HDAC9: variants seen among roughly 807,000 people sequenced by gnomAD.
HDAC9 encodes histone deacetylase 9.
HDAC9 carries 41 observed loss-of-function variants against 139.4 expected under a neutral mutation model. The ratio of observed to expected loss-of-function variants is 0.29; its 90% CI spans 0.23 to 0.38. The LOEUF (loss-of-function observed/expected upper bound fraction) is 0.38, where lower values mean the gene tolerates loss of function less well. HDAC9 is among the 10% of genes least tolerant of loss of function. HDAC9 has a pLI of 1.00. For missense variants in HDAC9, 1,147 were observed against 1,297.0 expected, an observed-to-expected ratio of 0.88 and a Z score of 1.78; for synonymous variants, 517 against 476.2, an observed-to-expected ratio of 1.09 and a Z score of -1.12.
chr7:18,829,874 C>T (rs1478761696), intron 19 of HDAC9, among the ~76,000 whole-genome samples: 1 of 152,190 alleles, frequency 6.6e-6, no homozygotes, highest in Non-Finnish European at 1.5e-5. Flanking sequence ...AATATAGACT[C>T]AATAGTCAGA....
intron 2 of HDAC9, among the ~76,000 whole-genome samples, chr7:18,557,912 G>C (rs2128693913): frequency 6.6e-6 from 1 of 151,922 alleles, no homozygotes; most frequent in Non-Finnish European, 1.5e-5. Flanking sequence ...TGCTGAACTT[G>C]AAAGAATCTA....
intron 22 of HDAC9, among the ~76,000 whole-genome samples, chr7:18,906,516 G>A (rs1333464191): frequency 6.6e-6 from 1 of 152,152 alleles, no homozygotes; most frequent in Non-Finnish European, 1.5e-5. Flanking sequence ...AACATTTTGA[G>A]TTGTTAAGAT....
rs546962550 is a variant in HDAC9, at chr7:18,134,640, A to T, written c.-96-27589A>T. On this transcript the variant is annotated intron_variant, in intron 1 of 12. Coordinates refer to the HDAC9 transcript ENST00000417496. The stretch of plus-strand genomic sequence containing the variant: ...ACATTATTACTCATTCTTAAGCACT[A>T]GGTGTGATTCTAAATCAGCTTTCTG... 9.8e-5 allele frequency among the ~76,000 whole-genome samples: 15 copies of T among 152,296 alleles called. No individual in the cohort carries two copies. The South Asian group carries it at 3.1e-3, about 32-fold the overall frequency.
chr7:18,305,503 G>A (rs1379174027), intron 1 of HDAC9, among the ~76,000 whole-genome samples: 1 of 152,092 alleles, frequency 6.6e-6, no homozygotes, highest in Non-Finnish European at 1.5e-5. Context: ...ACATTTGCTG[G>A]TCCTTTCACC....
chr7:18,382,166 C>T (rs1370248078), intron 1 of HDAC9, among the ~76,000 whole-genome samples: 2 of 151,208 alleles, frequency 1.3e-5, no homozygotes, highest in Admixed American at 6.6e-5. Context: ...ATATCTATTC[C>T]ATATCTTAAA....
chr7:18,901,837 C>T lies in HDAC9; in HGVS notation c.2803+27241C>T, dbSNP rs534313545. Reference sequence around the variant, plus strand: ...TCTGCATATATACATTTCTAATCTACTGCATTTAACAAGCAGCTTTCTTTT... The same window carrying T: ...TCTGCATATATACATTTCTAATCTATTGCATTTAACAAGCAGCTTTCTTTT... On this transcript the variant is annotated intron_variant, in intron 22 of 25. Coordinates refer to ENST00000686413, the MANE Select transcript of HDAC9 (RefSeq NM_178425.4). Among the ~76,000 whole-genome samples, 483 of 152,274 alleles carry T rather than the reference C, an allele frequency of 3.2e-3. 5 individuals are homozygous for T. Among genetic ancestry groups the T allele is most frequent in the African/African-American group, 0.011 (469 of 41,544 alleles).
chr7:18,162,405 TGTG>T lies in HDAC9; in HGVS notation c.25+57_25+59del, dbSNP rs2128127557. Reference sequence around the variant, plus strand: ...AGACTTCATGTGAAAGATGTTGCTTTGTGTTGTTTCAAACCAAGTAATTTAATT... The same window carrying T: ...AGACTTCATGTGAAAGATGTTGCTTTTTGTTTCAAACCAAGTAATTTAATT... On this transcript the variant is annotated intron_variant, in intron 2 of 12. Transcript: ENST00000417496. The T allele has an allele frequency of 2.7e-6, 4 of 1,467,150 alleles. No homozygotes were observed. The Admixed American group carries it at 8.1e-5, about 30-fold the overall frequency. The allele number at this position is 1,467,150 out of a possible 1,614,324, so 90.9% of individuals were successfully genotyped here. A position where few individuals can be genotyped will look rare whatever the true frequency, so the allele number is the denominator to read the frequency against.
At chr7:18,352,341 A>G (rs1472859521) in intron 1 of HDAC9, among the ~76,000 whole-genome samples, 3 of 152,198 alleles carry the variant, frequency 2.0e-5, no homozygotes, top group African/African-American at 7.2e-5. Flanking sequence ...ACAATATAAT[A>G]TTCTGCTTAG....
intron 1 of HDAC9, among the ~76,000 whole-genome samples, chr7:18,391,040 G>A (rs1185899738): frequency 6.6e-6 from 1 of 152,138 alleles, no homozygotes; most frequent in Non-Finnish European, 1.5e-5. Flanking sequence ...AATGAGCCAA[G>A]ATTGTGCCAT....
intron 2 of HDAC9, among the ~76,000 whole-genome samples, chr7:18,261,866 A>T (rs943731552): frequency 6.6e-6 from 1 of 152,232 alleles, no homozygotes; most frequent in African/African-American, 2.4e-5. Flanking sequence ...CCTAAACATA[A>T]AATCATACAA....
At position 18,648,490 on chromosome 7, in the gene HDAC9, C is replaced by G; in HGVS notation, c.1274C>G (p.Ser425Cys). 6.2e-7 allele frequency: 1 copy of G among 1,613,250 alleles called. No homozygotes were observed. The highest frequency in any genetic ancestry group is 2.2e-5 in the East Asian group (1 of 44,792). The change falls in exon 11 of 26, where the codon TCT (serine) becomes TGT (cysteine). Residue 425 changes from serine to cysteine, a missense_variant. Coordinates refer to ENST00000686413, the MANE Select transcript of HDAC9 (RefSeq NM_178425.4). Reference protein sequence around the residue: ...VAGGVPLHPQSPLATKERISP... With the variant: ...VAGGVPLHPQCPLATKERISP... Reference sequence around the variant, plus strand: ...GGTGGAGTTCCCTTACATCCTCAGTCTCCCTTGGCAACAAAAGAGAGAATT... The same window carrying G: ...GGTGGAGTTCCCTTACATCCTCAGTGTCCCTTGGCAACAAAAGAGAGAATT...
At chr7:18,616,030 T>G (rs1186297362) in intron 6 of HDAC9, among the ~76,000 whole-genome samples, 4 of 152,140 alleles carry the variant, frequency 2.6e-5, no homozygotes, top group Admixed American at 2.6e-4. Flanking sequence ...GCCTGCAAGC[T>G]CTAGCTGTGG....
intron 2 of HDAC9, among the ~76,000 whole-genome samples, chr7:18,275,854 C>CA (rs1796685197): frequency 6.6e-6 from 1 of 152,150 alleles, no homozygotes; most frequent in Non-Finnish European, 1.5e-5. Context: ...TTCTAACATA[C>CA]CTGTCATTTA....
intron 1 of HDAC9, among the ~76,000 whole-genome samples, chr7:18,450,368 A>G (rs1792701788): frequency 6.6e-6 from 1 of 152,218 alleles, no homozygotes; most frequent in East Asian, 1.9e-4. Flanking sequence ...AAGATAGATG[A>G]TAAGCACCAT....
At chr7:18,705,834 CAGAG>C (rs1783849488) in intron 12 of HDAC9, among the ~76,000 whole-genome samples, 1 of 128,910 alleles carries the variant, frequency 7.8e-6, no homozygotes. Context: ...GCCCAGGCGA[CAGAG>C]AGAGACTCTG....
chr7:18,862,857 A>G (rs1208640781), intron 21 of HDAC9, among the ~76,000 whole-genome samples: 2 of 152,240 alleles, frequency 1.3e-5, no homozygotes, highest in Non-Finnish European at 2.9e-5. Context: ...AGAATGCAAT[A>G]AACAAAACAT....
At chr7:18,485,089 C>G (rs549881430) in intron 1 of HDAC9, among the ~76,000 whole-genome samples, 4 of 152,212 alleles carry the variant, frequency 2.6e-5, no homozygotes, top group East Asian at 3.9e-4. Flanking sequence ...TAGACTGTCC[C>G]TGCCATCTGG....
intron 22 of HDAC9, among the ~76,000 whole-genome samples, chr7:18,885,275 G>A (rs1017032811): frequency 3.3e-5 from 5 of 152,124 alleles, no homozygotes; most frequent in Admixed American, 1.3e-4. Flanking sequence ...GACTGAAAAG[G>A]GAACATTAAT....
At chr7:18,291,111 T>G (rs1797779161) in intron 1 of HDAC9, among the ~76,000 whole-genome samples, 1 of 152,162 alleles carries the variant, frequency 6.6e-6, no homozygotes, top group Non-Finnish European at 1.5e-5. Context: ...CTAGTTGAAT[T>G]GCAGCATTTT....
Sources: allele counts gnomAD v4.1 joint callset (sites outside exome capture counted in the v4.1 genomes callset), GRCh38; gene constraint gnomAD v4.1.1; transcripts MANE v1.5; gene names NCBI Gene and HGNC (gene_info 2026-07-23, HGNC 2026-07-21).